The following TRPM8 variants were observed in gnomAD, a reference collection of about 807,000 sequenced individuals.
The protein encoded by TRPM8 is transient receptor potential cation channel subfamily M member 8.
TRPM8 carries 110 observed loss-of-function variants against 133.7 expected under a neutral mutation model. The ratio of observed to expected loss-of-function variants is 0.82; its 90% CI spans 0.70 to 0.96. The LOEUF (loss-of-function observed/expected upper bound fraction) is 0.96, where lower values mean the gene tolerates loss of function less well. TRPM8 is among the 40% of genes least tolerant of loss of function. The pLI, the probability that TRPM8 is intolerant of heterozygous loss-of-function variation, is 0.00. For synonymous variants in TRPM8, 535 were observed against 532.3 expected (o/e 1.01, Z -0.07); for missense variants, 1,291 against 1,379.5 (o/e 0.94, Z 1.02).
chr2:233,994,636 G>T (rs28902226), intron 21 of TRPM8, among the ~76,000 whole-genome samples: 243 of 152,286 alleles, frequency 1.6e-3, no homozygotes, highest in African/African-American at 5.5e-3. Context: ...TAAACTTTAA[G>T]CAAAGCCAAT....
At chr2:233,954,385 A>G (rs897261246) in intron 10 of TRPM8, among the ~76,000 whole-genome samples, 1 of 152,236 alleles carries the variant, frequency 6.6e-6, no homozygotes, top group East Asian at 1.9e-4. Context: ...TTGTACACAT[A>G]TGCACACATA....
rs549522484 is a variant in TRPM8 at position 233,928,113 on chromosome 2, G to C, written c.117+1459G>C. Among the ~76,000 whole-genome samples the C allele has an allele frequency of 2.0e-5, 3 of 150,992 alleles. No individual in the cohort carries two copies. The South Asian group carries it at 6.3e-4, about 32-fold the overall frequency. Reference sequence around the variant, plus strand: ...GCCTCCTAAGTAGCTGGGACTACAGGCTCCCGCCACTATGCCTGGCTAATT... The same window carrying C: ...GCCTCCTAAGTAGCTGGGACTACAGCCTCCCGCCACTATGCCTGGCTAATT... On this transcript the variant is annotated intron_variant, in intron 2 of 25. Transcript: ENST00000324695.
chr2:233,963,378 G>T lies in TRPM8; in HGVS notation c.1749+1G>T. The T allele has an allele frequency of 6.3e-7, 1 of 1,597,840 alleles. No individual in the cohort carries two copies. On this transcript the variant is annotated splice_donor_variant, in intron 13 of 25. Transcript: ENST00000324695. LOFTEE classifies it high-confidence loss of function. ...ACTCTCCAAAGTCATTTGGGAGCAG[G>T]TAAGTGCCCAAGCCCACATCAGATT... is the stretch of plus-strand genomic sequence containing the variant.
intron 9 of TRPM8, among the ~76,000 whole-genome samples, chr2:233,951,554 T>G (rs1691173306): frequency 6.6e-6 from 1 of 152,186 alleles, no homozygotes; most frequent in South Asian, 2.1e-4. Flanking sequence ...CCACACCCTT[T>G]ATAAGGGATT....
At position 233,942,613 on chromosome 2, in the gene TRPM8, G is replaced by A; in HGVS notation, c.564G>A (p.Leu188=). ...WILTGGTHYG[L]MKYIGEVVRD... ...TCACGGGAGGCACCCATTATGGCCT[G>A]ATGAAGTACATCGGGGAGGTGGTGA... The change falls in exon 6 of 26, where the codon CTG becomes CTA. Residue 188 remains leucine, a synonymous_variant. Coordinates refer to ENST00000324695, the MANE Select transcript of TRPM8 (RefSeq NM_024080.5). 3 of 1,614,248 alleles carry A rather than the reference G, an allele frequency of 1.9e-6. No individual in the cohort carries two copies. The highest frequency in any genetic ancestry group is 2.5e-6 in the Non-Finnish European group (3 of 1,180,046).
chr2:233,925,380 G>A (rs28901606), intron 1 of TRPM8, among the ~76,000 whole-genome samples: 1 of 152,156 alleles, frequency 6.6e-6, no homozygotes, highest in African/African-American at 2.4e-5. Context: ...GGTTGAAGGG[G>A]CTACACAGGC....
chr2:234,016,873 C>T (rs1168078411), intron 25 of TRPM8, among the ~76,000 whole-genome samples: 1 of 152,124 alleles, frequency 6.6e-6, no homozygotes, highest in African/African-American at 2.4e-5. Flanking sequence ...ATTTGCTGCA[C>T]TTACGTTCTA....
At chr2:233,952,455 G>A (rs1003910259) in intron 9 of TRPM8, among the ~76,000 whole-genome samples, 1 of 152,036 alleles carries the variant, frequency 6.6e-6, no homozygotes, top group South Asian at 2.1e-4. Flanking sequence ...GAGAGTTAAC[G>A]AGGTGGGGGC....
chr2:233,937,443 C>T lies in TRPM8; in HGVS notation c.282C>T (p.His94=), dbSNP rs202041731. 3.1e-6 allele frequency: 5 copies of T among 1,614,026 alleles called. No individual in the cohort carries two copies. In the African/African-American group the frequency reaches 5.3e-5, roughly 17 times the overall value. ...NQSEKWNYKK[H]TKEFPTDAFG... is the part of the protein sequence containing the mutation. ...GTGAGAAATGGAACTACAAGAAACACACCAAGGAATTTCCTACCGACGCCT... is the reference window on the plus strand; with the variant it reads ...GTGAGAAATGGAACTACAAGAAACATACCAAGGAATTTCCTACCGACGCCT... The change falls in exon 4 of 26, where the codon CAC becomes CAT. Residue 94 remains histidine, a synonymous_variant. Transcript: ENST00000324695.
At chr2:233,955,420 C>A in intron 11 of TRPM8, 170 bp downstream of exon 11, 2 of 554,950 alleles carry the variant, frequency 3.6e-6, no homozygotes, top group East Asian at 3.1e-5. Flanking sequence ...AGCATGGAAT[C>A]ATAACATTGA....
intron 9 of TRPM8, among the ~76,000 whole-genome samples, chr2:233,953,406 A>G (rs1005536984): frequency 2.6e-5 from 4 of 152,252 alleles, no homozygotes; most frequent in Admixed American, 6.5e-5. Context: ...AGGGTTATTT[A>G]CTTTTTAAAA....
chr2:234,005,987 C>A (rs1574787860), intron 22 of TRPM8, among the ~76,000 whole-genome samples: 1 of 148,624 alleles, frequency 6.7e-6, no homozygotes, highest in Non-Finnish European at 1.5e-5. Context: ...TTAAATCCAG[C>A]CATGTGCATA....
At chr2:234,010,342 C>A (rs1692805709) in intron 24 of TRPM8, among the ~76,000 whole-genome samples, 1 of 152,130 alleles carries the variant, frequency 6.6e-6, no homozygotes, top group Admixed American at 6.5e-5. Flanking sequence ...AAAAATATTC[C>A]ATTATAGGTA....
At chr2:233,990,078 G>A (rs2125321303) in intron 21 of TRPM8, among the ~76,000 whole-genome samples, 1 of 152,370 alleles carries the variant, frequency 6.6e-6, no homozygotes, top group East Asian at 1.9e-4. Flanking sequence ...TGTGTGAACA[G>A]TCTAAGGGAG....
At chr2:233,954,216 A>G (rs539718621) in intron 10 of TRPM8, among the ~76,000 whole-genome samples, 197 bp downstream of exon 10, 1 of 152,324 alleles carries the variant, frequency 6.6e-6, no homozygotes, top group East Asian at 1.9e-4. Flanking sequence ...ATTTGATAGA[A>G]TAATAATTTT....
chr2:233,931,699 T>A (rs1685273252), intron 3 of TRPM8, among the ~76,000 whole-genome samples: 1 of 152,234 alleles, frequency 6.6e-6, no homozygotes, highest in Admixed American at 6.5e-5. Flanking sequence ...CAGAGCATAA[T>A]TCTTACTTCA....
At chr2:233,947,474 C>T in intron 8 of TRPM8, 1 of 1,349,980 alleles carries the variant, frequency 7.4e-7, no homozygotes, top group South Asian at 1.2e-5. Flanking sequence ...AAAGCTATGG[C>T]CAACCTATCT....
intron 22 of TRPM8, among the ~76,000 whole-genome samples, chr2:233,998,729 G>T (rs987339272): frequency 1.3e-5 from 2 of 149,782 alleles, no homozygotes; most frequent in African/African-American, 2.5e-5. Flanking sequence ...TCCAGTTAGA[G>T]TGCCAGCTTG....
rs1252963405 is a variant in TRPM8, at chr2:233,989,797, C to T, written c.2939+3932C>T. 2.0e-5 allele frequency among the ~76,000 whole-genome samples: 3 copies of T among 152,134 alleles called. No homozygotes were observed. The highest frequency in any genetic ancestry group is 2.1e-4 in the South Asian group (1 of 4,828). The stretch of plus-strand genomic sequence containing the variant: ...TGTGATTATTCTACATTAAAATTAT[C>T]GATCACAGGGCCTGTGTGGCTTATC... On this transcript the variant is annotated intron_variant, in intron 21 of 25. Transcript: ENST00000324695. This position sits in a 1 kb window ranked among gnomAD's most constrained non-coding sequence, Gnocchi z 4.2.
Sources: gnomAD v4.1 joint callset for allele counts (sites outside exome capture counted in the v4.1 genomes callset) on GRCh38, gnomAD v4.1.1 for gene constraint, Gnocchi (gnomAD v3.1) non-coding constraint, MANE v1.5 for transcripts, NCBI Gene and HGNC (gene_info 2026-07-23, HGNC 2026-07-21) for gene names.